The following PATJ variants were observed in gnomAD, a reference collection of about 807,000 sequenced individuals.
The protein encoded by PATJ is PATJ crumbs cell polarity complex component, also known as inaD-like protein.
PATJ carries 190 observed loss-of-function variants against 224.9 expected under a neutral mutation model. The observed-to-expected ratio is 0.84, with a 90% CI of 0.75 to 0.95. The LOEUF (loss-of-function observed/expected upper bound fraction) is 0.95, where lower values mean the gene tolerates loss of function less well. Among genes scored for constraint, PATJ ranks in the 40% least tolerant of loss-of-function variants. The pLI is 0.00. For missense variants in PATJ, 2,121 were observed against 2,270.3 expected (o/e 0.93, Z 1.34); for synonymous variants, 769 against 820.3 (o/e 0.94, Z 1.07).
chr1:61,762,345 G>T (rs1294607101), intron 1 of PATJ, among the ~76,000 whole-genome samples: 1 of 151,828 alleles, frequency 6.6e-6, no homozygotes, highest in East Asian at 1.9e-4. Context: ...TCCTTGTTGT[G>T]TGTATCAGTA....
intron 20 of PATJ, among the ~76,000 whole-genome samples, chr1:61,867,389 A>G (rs185840458): frequency 6.6e-6 from 1 of 152,208 alleles, no homozygotes; most frequent in Admixed American, 6.5e-5. Context: ...ATTCAGCCAT[A>G]CTTGCTTGTT....
At chr1:61,770,356 G>A (rs1364167221) in intron 5 of PATJ, among the ~76,000 whole-genome samples, 1 of 152,070 alleles carries the variant, frequency 6.6e-6, no homozygotes, top group Non-Finnish European at 1.5e-5. Context: ...CTATCTTTAG[G>A]ATGCACTTTA....
chr1:62,155,572 AAG>A (rs768652545), intron 43 of PATJ, among the ~76,000 whole-genome samples: 4 of 152,164 alleles, frequency 2.6e-5, no homozygotes, highest in Non-Finnish European at 5.9e-5. Context: ...GTCCCATTGA[AAG>A]AGGTCCTTTA....
Position 62,148,330 on chromosome 1 carries a change from A to G in PATJ, c.5318A>G (p.Asn1773Ser), listed in dbSNP as rs781062985. The change falls in exon 42 of 44, where the codon AAC becomes AGC. Residue 1773 changes from asparagine to serine, a missense_variant. Physicochemically the swap from Asn to Ser is conservative, Grantham distance 46. Coordinates refer to ENST00000642238, the MANE Select transcript of PATJ (RefSeq NM_001350145.3). Reference sequence around the variant, plus strand: ...AGCGCCATAGCAGCTCAGCTTGAAAACATGTCTACAGGCTACCACCTTGGT... The same window carrying G: ...AGCGCCATAGCAGCTCAGCTTGAAAGCATGTCTACAGGCTACCACCTTGGT... ...NISAIAAQLE[N>S]MSTGYHLGSP... 2 of 1,613,902 alleles carry G rather than the reference A, an allele frequency of 1.2e-6. No individual in the cohort carries two copies. Among genetic ancestry groups the G allele is most frequent in the Non-Finnish European group, 8.5e-7 (1 of 1,179,986 alleles).
At chr1:61,997,463 T>G (rs1228285436) in intron 28 of PATJ, among the ~76,000 whole-genome samples, 1 of 152,216 alleles carries the variant, frequency 6.6e-6, no homozygotes, top group Non-Finnish European at 1.5e-5. Context: ...AGTAATCAGT[T>G]GTGTTATACT....
intron 20 of PATJ, among the ~76,000 whole-genome samples, chr1:61,872,523 A>G (rs1666783730): frequency 6.6e-6 from 1 of 152,254 alleles, no homozygotes; most frequent in Admixed American, 6.5e-5. Flanking sequence ...ATCTAAAGCC[A>G]GCATCTGGTT....
At chr1:62,069,820 C>A (rs1210969774) in intron 31 of PATJ, among the ~76,000 whole-genome samples, 3 of 152,114 alleles carry the variant, frequency 2.0e-5, no homozygotes, top group Non-Finnish European at 4.4e-5. Flanking sequence ...GTAGTAGGTG[C>A]TCAGTAAGCA....
chr1:62,087,112 G>A (rs939000599), intron 33 of PATJ, among the ~76,000 whole-genome samples: 1 of 152,086 alleles, frequency 6.6e-6, no homozygotes, highest in East Asian at 1.9e-4. Context: ...TCCGGCGTCC[G>A]AGAAGAATTA....
chr1:62,107,855 G>T (rs1663297089), intron 33 of PATJ, among the ~76,000 whole-genome samples: 1 of 152,138 alleles, frequency 6.6e-6, no homozygotes, highest in Admixed American at 6.6e-5. Flanking sequence ...GGCTCAGATT[G>T]CTGAGTTCAG....
At chr1:61,785,823 T>G (rs950606508) in intron 7 of PATJ, among the ~76,000 whole-genome samples, 5 of 152,122 alleles carry the variant, frequency 3.3e-5, no homozygotes, top group African/African-American at 1.2e-4. Flanking sequence ...TATAAAAGAA[T>G]GTATATAATA....
intron 27 of PATJ, among the ~76,000 whole-genome samples, chr1:61,939,676 CTTTTTTTT>C (rs71050183): frequency 5.3e-4 from 31 of 58,874 alleles, no homozygotes; most frequent in Middle Eastern, 0.02. Context: ...TTTCTATGTG[CTTTTTTTT>C]TTTTTTTTTT....
chr1:61,894,944 G>A (rs1026088383), intron 22 of PATJ, among the ~76,000 whole-genome samples: 2 of 152,020 alleles, frequency 1.3e-5, no homozygotes, highest in African/African-American at 4.8e-5. Context: ...GTCTCAGATG[G>A]AGATGAGGAA....
intron 38 of PATJ, among the ~76,000 whole-genome samples, chr1:62,122,363 TAAAAA>T (rs58555932): frequency 0.011 from 915 of 81,546 alleles, 7 homozygotes; most frequent in African/African-American, 0.036. Flanking sequence ...AGACTCCATC[TAAAAA>T]AAAAAAAAAA....
intron 27 of PATJ, among the ~76,000 whole-genome samples, chr1:61,942,792 G>T (rs193176203): frequency 6.6e-6 from 1 of 151,960 alleles, no homozygotes; most frequent in Non-Finnish European, 1.5e-5. Flanking sequence ...CAGGTGATCC[G>T]CCTGCCTCAG....
In PATJ at chr1:61,831,207, T is replaced by G. The variant is rs368926197; in HGVS notation, c.1981-2447T>G. Among the ~76,000 whole-genome samples, 274 of 136,838 alleles carry G rather than the reference T, an allele frequency of 2.0e-3. 1 individual carries two copies. Among genetic ancestry groups the G allele is most frequent in the African/African-American group, 7.2e-3 (266 of 36,702 alleles). The allele number at this position is 136,838 out of a possible 152,430, so 89.8% of individuals were successfully genotyped here. ...TGTCTCAAAAAAAAAAAAAAAAAAG[T>G]AAAACCTAAAACTATAAAAACCCTG... On this transcript the variant is annotated intron_variant, in intron 16 of 43. Transcript: ENST00000642238.
At chr1:61,798,278 T>C (rs1008236060) in intron 11 of PATJ, among the ~76,000 whole-genome samples, 1 of 152,062 alleles carries the variant, frequency 6.6e-6, no homozygotes, top group Non-Finnish European at 1.5e-5. Context: ...CACTGCCGCC[T>C]TACTTCCTGG....
chr1:61,898,943 T>C (rs891037684), intron 22 of PATJ, among the ~76,000 whole-genome samples: 1 of 141,550 alleles, frequency 7.1e-6, no homozygotes, highest in Non-Finnish European at 1.5e-5. Context: ...TGTGCCACCA[T>C]GCACAGCTGA....
intron 1 of PATJ, among the ~76,000 whole-genome samples, chr1:61,756,270 T>C (rs1645634158): frequency 6.6e-6 from 1 of 152,182 alleles, no homozygotes; most frequent in African/African-American, 2.4e-5. Flanking sequence ...GGAGATCTTA[T>C]ATTAGGTTAT....
At chr1:61,752,052 C>T (rs1457516484) in intron 1 of PATJ, among the ~76,000 whole-genome samples, 2 of 150,518 alleles carry the variant, frequency 1.3e-5, no homozygotes, top group African/African-American at 4.9e-5. Flanking sequence ...GCAGGAGAAT[C>T]GCCTGAACCC....
Sources: gnomAD v4.1 joint callset for allele counts (sites outside exome capture counted in the v4.1 genomes callset) on GRCh38, gnomAD v4.1.1 for gene constraint, MANE v1.5 for transcripts, NCBI Gene and HGNC (gene_info 2026-07-23, HGNC 2026-07-21) for gene names.